Variants in RBFOX1 observed in about 807,000 individuals in gnomAD.
RBFOX1 encodes RNA binding protein fox-1 homolog 1.
In RBFOX1, 8 loss-of-function variants were observed where a neutral mutation model predicts 57.7. The ratio of observed to expected loss-of-function variants is 0.14; its 90% CI spans 0.08 to 0.25. The LOEUF is 0.25. RBFOX1 is among the 10% of genes least tolerant of loss of function. The probability of loss-of-function intolerance (pLI) is 1.00; values close to 1 mark genes in which losing one functional copy is unlikely to be tolerated. For synonymous variants in RBFOX1, 326 were observed against 222.4 expected, an observed-to-expected ratio of 1.47 and a Z score of -4.15; for missense variants, 611 against 548.5, an observed-to-expected ratio of 1.11 and a Z score of -1.14.
intron 4 of RBFOX1, among the ~76,000 whole-genome samples, chr16:7,414,159 G>C (rs57324032): frequency 0.029 from 4,492 of 152,288 alleles, 207 homozygotes; most frequent in African/African-American, 0.1. Context: ...TCTTCACTTA[G>C]TTATCCAACA....
intron 4 of RBFOX1, among the ~76,000 whole-genome samples, chr16:7,247,609 A>G (rs1442711141): frequency 6.6e-6 from 1 of 152,232 alleles, no homozygotes; most frequent in Non-Finnish European, 1.5e-5. Flanking sequence ...CCTTAAATGA[A>G]TGTATATCCT....
chr16:5,692,452 C>G (rs1015479178), intron 3 of RBFOX1, among the ~76,000 whole-genome samples: 1 of 151,968 alleles, frequency 6.6e-6, no homozygotes, highest in Non-Finnish European at 1.5e-5. Flanking sequence ...TGGATCTTTC[C>G]CAACTGAGAC....
intron 13 of RBFOX1, among the ~76,000 whole-genome samples, chr16:7,674,513 G>A (rs1235265860): frequency 2.0e-5 from 3 of 152,182 alleles, no homozygotes; most frequent in Non-Finnish European, 4.4e-5. Context: ...GCTCTGGAGA[G>A]TTAAGGAAAT....
intron 5 of RBFOX1, among the ~76,000 whole-genome samples, chr16:7,526,621 A>G (rs150978861): frequency 6.6e-6 from 1 of 152,336 alleles, no homozygotes; most frequent in Non-Finnish European, 1.5e-5. Context: ...TGGCAAAATA[A>G]TTGAAGGTTG....
At chr16:7,157,885 C>A (rs1421555518) in intron 4 of RBFOX1, among the ~76,000 whole-genome samples, 1 of 152,198 alleles carries the variant, frequency 6.6e-6, no homozygotes. Flanking sequence ...TCTCTGTTCA[C>A]TTTGACCCAT....
chr16:7,519,295 C>G (rs1271941657), intron 5 of RBFOX1, among the ~76,000 whole-genome samples: 1 of 152,060 alleles, frequency 6.6e-6, no homozygotes, highest in Non-Finnish European at 1.5e-5. Context: ...GTGTTTGTCC[C>G]TGGTTTCTTC....
At chr16:7,599,091 C>G (rs2094870128) in intron 9 of RBFOX1, among the ~76,000 whole-genome samples, 1 of 152,220 alleles carries the variant, frequency 6.6e-6, no homozygotes, top group Non-Finnish European at 1.5e-5. Flanking sequence ...TCAACCAAGA[C>G]ATGCCCTTAA....
In RBFOX1 at chr16:6,853,726, A is replaced by T. The variant is rs576737867; in HGVS notation, c.-15-198331A>T. ...GGTTGGATTCGTTTACCAGTAGACAATGTGATTGGGATAATGCGCCTCACT... is the reference window on the plus strand; with the variant it reads ...GGTTGGATTCGTTTACCAGTAGACATTGTGATTGGGATAATGCGCCTCACT... On this transcript the variant is annotated intron_variant, in intron 3 of 15. Coordinates refer to ENST00000550418, the MANE Select transcript of RBFOX1 (RefSeq NM_018723.4). Among the ~76,000 whole-genome samples the T allele has an allele frequency of 4.6e-5, 7 of 152,242 alleles. No individual in the cohort carries two copies. The East Asian group carries it at 9.7e-4, about 21-fold the overall frequency.
At chr16:7,530,441 G>C (rs537261213) in intron 5 of RBFOX1, among the ~76,000 whole-genome samples, 1 of 151,716 alleles carries the variant, frequency 6.6e-6, no homozygotes, top group African/African-American at 2.4e-5. Context: ...TCCTATTTTG[G>C]TTCCTAGCCA....
intron 3 of RBFOX1, among the ~76,000 whole-genome samples, chr16:5,862,545 C>T (rs1394874920): frequency 6.6e-6 from 1 of 152,190 alleles, no homozygotes; most frequent in Non-Finnish European, 1.5e-5. Flanking sequence ...CAGTCACCCA[C>T]TGCGTGTCAG....
intron 3 of RBFOX1, among the ~76,000 whole-genome samples, chr16:6,839,741 G>C (rs1423652503): frequency 6.6e-6 from 1 of 152,146 alleles, no homozygotes; most frequent in Non-Finnish European, 1.5e-5. Flanking sequence ...GCAAACTATA[G>C]AAGAGAAAAT....
chr16:5,794,188 G>T (rs1045008045), intron 3 of RBFOX1, among the ~76,000 whole-genome samples: 1 of 152,114 alleles, frequency 6.6e-6, no homozygotes, highest in African/African-American at 2.4e-5. Context: ...AAGTCATGGG[G>T]TTATACTGAG....
intron 4 of RBFOX1, among the ~76,000 whole-genome samples, chr16:7,357,506 T>C (rs1463669293): frequency 6.6e-6 from 1 of 152,168 alleles, no homozygotes; most frequent in Non-Finnish European, 1.5e-5. Context: ...TGCTTACTGC[T>C]GTTTGAAGAA....
intron 2 of RBFOX1, among the ~76,000 whole-genome samples, chr16:6,343,065 GGGA>G (rs1195389657): frequency 6.6e-6 from 1 of 152,184 alleles, no homozygotes; most frequent in African/African-American, 2.4e-5. Flanking sequence ...TCCATCAAAA[GGGA>G]GGAGAAGTGA....
intron 3 of RBFOX1, among the ~76,000 whole-genome samples, chr16:6,814,680 G>A (rs764407251): frequency 1.3e-5 from 2 of 152,284 alleles, no homozygotes; most frequent in South Asian, 2.1e-4. Flanking sequence ...TCCAAGCACA[G>A]GGAGCAGCAT....
intron 5 of RBFOX1, among the ~76,000 whole-genome samples, chr16:7,555,941 G>C (rs116286098): frequency 3.3e-5 from 5 of 152,018 alleles, no homozygotes; most frequent in South Asian, 2.1e-4. Flanking sequence ...TAAAACTTAC[G>C]TTCCTTGAGA....
rs75582095 is a variant in RBFOX1 at position 5,870,751 on chromosome 16, G to A, written c.351+3416G>A. 3.4e-4 allele frequency among the ~76,000 whole-genome samples: 52 copies of A among 151,704 alleles called. 1 individual carries two copies. The highest frequency in any genetic ancestry group is 1.2e-3 in the African/African-American group (51 of 41,326). ...TTCTAATGGCAATTCATCAAAACAA[G>A]CGATCACCGTTATTTAATGCGTGAT... is the stretch of plus-strand genomic sequence containing the variant. On this transcript the variant is annotated intron_variant, in intron 4 of 19. Coordinates refer to the RBFOX1 transcript ENST00000641259.
chr16:6,124,152 A>G (rs1315189926), intron 1 of RBFOX1, among the ~76,000 whole-genome samples: 2 of 152,108 alleles, frequency 1.3e-5, no homozygotes, highest in African/African-American at 4.8e-5. Flanking sequence ...ATTTGTCAGC[A>G]TTTCACTAAG....
At chr16:5,666,705 T>C (rs2049856203) in intron 3 of RBFOX1, among the ~76,000 whole-genome samples, 1 of 152,206 alleles carries the variant, frequency 6.6e-6, no homozygotes, top group Non-Finnish European at 1.5e-5. Flanking sequence ...AATCCACATC[T>C]TCCTCCCCAT....
Sources: allele counts gnomAD v4.1 joint callset (sites outside exome capture counted in the v4.1 genomes callset), GRCh38; gene constraint gnomAD v4.1.1; transcripts MANE v1.5; gene names NCBI Gene and HGNC (gene_info 2026-07-23, HGNC 2026-07-21).